Variants in ABL1 observed in about 807,000 individuals in gnomAD.
ABL1 encodes ABL proto-oncogene 1, non-receptor tyrosine kinase.
Under a neutral mutation model 94.7 loss-of-function variants are expected in ABL1, and 11 were observed. The observed-to-expected ratio is 0.12, with a 90% CI of 0.07 to 0.19. The LOEUF is 0.19. ABL1 is among the 10% of genes least tolerant of loss of function. The probability of loss-of-function intolerance (pLI) is 1.00; values close to 1 mark genes in which losing one functional copy is unlikely to be tolerated. For synonymous variants in ABL1, 656 were observed against 622.4 expected, an observed-to-expected ratio of 1.05 and a Z score of -0.80; for missense variants, 1,082 against 1,489.4, an observed-to-expected ratio of 0.73 and a Z score of 4.50.
At chr9:130,820,228 A>G (rs1237960606) in intron 1 of ABL1, among the ~76,000 whole-genome samples, 1 of 152,076 alleles carries the variant, frequency 6.6e-6, no homozygotes, top group Non-Finnish European at 1.5e-5. Flanking sequence ...TCCATGAGAG[A>G]TTTAACAGTT....
At chr9:130,730,604 T>C (rs1323465326) in intron 1 of ABL1, among the ~76,000 whole-genome samples, 3 of 151,984 alleles carry the variant, frequency 2.0e-5, no homozygotes, top group African/African-American at 7.2e-5. Context: ...CAGAGTCTTA[T>C]TCTGTTGCCC....
chr9:130,763,176 C>CT lies in ABL1; in HGVS notation c.136+48734dup, dbSNP rs60319595. Among the ~76,000 whole-genome samples the CT allele has an allele frequency of 9.0e-3, 1,286 of 142,772 alleles. 22 individuals are homozygous for CT. The highest frequency in any genetic ancestry group is 0.029 in the African/African-American group (1,116 of 39,084). 93.7% of individuals were successfully genotyped at this position (142,772 alleles called of 152,430 possible). ...CTGCCCTGGGACATTTGGATAATTG[C>CT]TTTTTTTTTTTTTCATTTCAGGTTC... On this transcript the variant is annotated intron_variant, in intron 1 of 10. Coordinates refer to the ABL1 transcript ENST00000372348.
intron 1 of ABL1, among the ~76,000 whole-genome samples, chr9:130,781,415 G>A (rs948286986): frequency 3.9e-5 from 6 of 152,072 alleles, no homozygotes; most frequent in Non-Finnish European, 7.3e-5. Flanking sequence ...GACTCCTCCC[G>A]CAATGTCACA....
At chr9:130,798,096 T>C (rs2132823469) in intron 1 of ABL1, among the ~76,000 whole-genome samples, 1 of 152,370 alleles carries the variant, frequency 6.6e-6, no homozygotes, top group East Asian at 1.9e-4. Flanking sequence ...TGAAATTGTT[T>C]TTATTACAAA....
chr9:130,745,335 T>C (rs147605560), intron 1 of ABL1, among the ~76,000 whole-genome samples: 3,334 of 152,122 alleles, frequency 0.022, 64 homozygotes, highest in Admixed American at 0.058. Context: ...CTGCCTGCCT[T>C]AGCCTCCCAA....
chr9:130,746,696 G>A (rs950211916), intron 1 of ABL1, among the ~76,000 whole-genome samples: 1 of 151,796 alleles, frequency 6.6e-6, no homozygotes, highest in African/African-American at 2.4e-5. Flanking sequence ...GATGTGTTTG[G>A]GTTGTTGCTT....
At chr9:130,738,626 T>A (rs1831775792) in intron 1 of ABL1, among the ~76,000 whole-genome samples, 1 of 152,256 alleles carries the variant, frequency 6.6e-6, no homozygotes, top group Admixed American at 6.5e-5. Context: ...ACTGTCTATT[T>A]GGAATTTACA....
chr9:130,797,426 G>A (rs1384446055), intron 1 of ABL1, among the ~76,000 whole-genome samples: 1 of 152,112 alleles, frequency 6.6e-6, no homozygotes, highest in Non-Finnish European at 1.5e-5. Context: ...CCAGGCTAGA[G>A]TGCAGTAGCA....
At chr9:130,820,115 TTCTC>T (rs1342319299) in intron 1 of ABL1, among the ~76,000 whole-genome samples, 2 of 152,182 alleles carry the variant, frequency 1.3e-5, no homozygotes, top group Non-Finnish European at 2.9e-5. Flanking sequence ...TTGCTTCTCT[TTCTC>T]AGCACTTTGG....
intron 1 of ABL1, among the ~76,000 whole-genome samples, chr9:130,756,760 G>A (rs1832046121): frequency 6.6e-6 from 1 of 152,200 alleles, no homozygotes; most frequent in Admixed American, 6.5e-5. Context: ...TTGGTTGACT[G>A]TGTTCTAATA....
intron 1 of ABL1, among the ~76,000 whole-genome samples, chr9:130,754,930 G>A (rs894683412): frequency 6.6e-6 from 1 of 152,170 alleles, no homozygotes; most frequent in African/African-American, 2.4e-5. Context: ...AGGATAGTCA[G>A]AGGAGTACGT....
intron 1 of ABL1, among the ~76,000 whole-genome samples, chr9:130,810,888 G>C (rs886753855): frequency 3.9e-5 from 6 of 152,036 alleles, no homozygotes; most frequent in Non-Finnish European, 7.4e-5. Context: ...TAAGCAAATT[G>C]CTTAAAACCA....
Position 130,885,237 on chromosome 9 carries a change from TCCA to T in ABL1, c.2949_2951del (p.Thr984del), listed in dbSNP as rs1487788222. The T allele has an allele frequency of 2.6e-5, 42 of 1,613,666 alleles. No individual in the cohort carries two copies. Among genetic ancestry groups the T allele is most frequent in the Non-Finnish European group, 3.6e-5 (42 of 1,179,992 alleles). ...CCCCATCAGCCCAGCCCCCGTTCCC[TCCA>T]CGTTGCCATCAGCATCCTCGGCCCT... On this transcript the variant is annotated inframe_deletion, in exon 11 of 11. Transcript: ENST00000318560.
chr9:130,879,306 A>G (rs916597204), intron 8 of ABL1, among the ~76,000 whole-genome samples: 1 of 152,114 alleles, frequency 6.6e-6, no homozygotes, highest in African/African-American at 2.4e-5. Context: ...TTTCCCACAC[A>G]TGTCTTTCCA....
At chr9:130,817,348 C>T (rs1351879790) in intron 1 of ABL1, among the ~76,000 whole-genome samples, 1 of 152,236 alleles carries the variant, frequency 6.6e-6, no homozygotes, top group Non-Finnish European at 1.5e-5. Flanking sequence ...TTTGCCCTGG[C>T]ATGCTTATAC....
rs1186996487 is a variant in ABL1 at position 130,884,725 on chromosome 9, A to G, written c.2435A>G (p.Asn812Ser). The G allele has an allele frequency of 6.2e-7, 1 of 1,612,484 alleles. No homozygotes were observed. Among genetic ancestry groups the G allele is most frequent in the Non-Finnish European group, 8.5e-7 (1 of 1,179,882 alleles). ...MESSPGSSPPNLTPKPLRRQV... is the reference protein window; with the variant it reads ...MESSPGSSPPSLTPKPLRRQV... ...TCCAGCCCGGGCTCCAGCCCGCCCA[A>G]CCTGACTCCAAAACCCCTCCGGCGG... Residue 812 changes from asparagine (N) to serine (S), a missense_variant, in exon 11 of 11, where the codon AAC becomes AGC. Physicochemically the swap from Asn to Ser is conservative, Grantham distance 46. Around this residue, in one of 7 missense-constraint regions of ABL1, gnomAD observed 780 missense variants for 835.8 expected, o/e 0.93. Coordinates refer to ENST00000318560, the MANE Select transcript of ABL1 (RefSeq NM_005157.6). This position sits in a 1 kb window ranked among gnomAD's most constrained non-coding sequence, Gnocchi z 5.6.
intron 1 of ABL1, among the ~76,000 whole-genome samples, chr9:130,730,046 C>T (rs1350861888): frequency 1.2e-4 from 13 of 107,176 alleles, no homozygotes; most frequent in East Asian, 5.0e-4. Context: ...CCCAGCCAGA[C>T]TTTTTTTTTT....
rs1395063393 is a variant in ABL1, at chr9:130,884,077, A to G, written c.1787A>G (p.Lys596Arg). 1.9e-6 allele frequency: 3 copies of G among 1,613,852 alleles called. No homozygotes were observed. The Admixed American group carries it at 5.0e-5, about 27-fold the overall frequency. ...GAGCGCCTTCTCCCCAAAGACAAAA[A>G]GACCAACTTGTTCAGCGCCTTGATC... ...EDERLLPKDK[K>R]TNLFSALIKK... The change falls in exon 11 of 11, where the codon AAG (lysine) becomes AGG (arginine). Residue 596 changes from lysine to arginine, a missense_variant. Transcript: ENST00000318560. The surrounding 1 kb of genome is among the most constrained non-coding windows in gnomAD (Gnocchi z 5.6).
chr9:130,880,132 G>C lies in ABL1; in HGVS notation c.1488G>C (p.Met496Ile). Residue 496 changes from methionine (M) to isoleucine (I), a missense_variant, in exon 9 of 11, where the codon ATG becomes ATC. Physicochemically the swap from Met to Ile is conservative, Grantham distance 10 (BLOSUM62 1). Coordinates refer to ENST00000318560, the MANE Select transcript of ABL1 (RefSeq NM_005157.6). This position sits in a 1 kb window ranked among gnomAD's most constrained non-coding sequence, Gnocchi z 4.4. ...FAEIHQAFETMFQESSISDEV... is the reference protein window; with the variant it reads ...FAEIHQAFETIFQESSISDEV... ...AAATCCACCAAGCCTTTGAAACAAT[G>C]TTCCAGGAATCCAGTATCTCAGACG... 6.2e-7 allele frequency: 1 copy of C among 1,614,138 alleles called. No homozygotes were observed.
Sources: gnomAD v4.1 joint callset for allele counts (sites outside exome capture counted in the v4.1 genomes callset) on GRCh38, gnomAD v4.1.1 for gene constraint, gnomAD v4.1.1 regional missense constraint, Gnocchi (gnomAD v3.1) non-coding constraint, MANE v1.5 for transcripts, NCBI Gene and HGNC (gene_info 2026-07-23, HGNC 2026-07-21) for gene names.